HNRNPM: variants seen among roughly 807,000 people sequenced by gnomAD.
The protein encoded by HNRNPM is heterogeneous nuclear ribonucleoprotein M.
A neutral mutation model predicts 73.1 loss-of-function variants in HNRNPM; 11 were observed. The observed-to-expected ratio is 0.15, with a 90% confidence interval of 0.09 to 0.25. The LOEUF is 0.25. HNRNPM is among the 10% of genes least tolerant of loss of function. HNRNPM has a pLI of 1.00. For synonymous variants in HNRNPM, 407 were observed against 355.2 expected (o/e 1.15, Z -1.64); for missense variants, 789 against 1,067.9 (o/e 0.74, Z 3.64).
At chr19:8,479,772 A>AATTT (rs1491516635) in intron 12 of HNRNPM, among the ~76,000 whole-genome samples, 5 of 41,600 alleles carry the variant, frequency 1.2e-4, no homozygotes, top group African/African-American at 3.6e-4. Flanking sequence ...AAAAAAAAAA[A>AATTT]TTTTTTTTTT....
chr19:8,484,663 G>T (rs1971147993), intron 13 of HNRNPM, among the ~76,000 whole-genome samples: 1 of 152,204 alleles, frequency 6.6e-6, no homozygotes. Flanking sequence ...GAGCCAGTTA[G>T]AGAAACTGCC....
rs775487482 is a variant in HNRNPM at position 8,466,393 on chromosome 19, CCTT to C, written c.784+8_784+10del. 2.5e-6 allele frequency: 4 copies of C among 1,613,690 alleles called. No individual in the cohort carries two copies. The highest frequency in any genetic ancestry group is 2.2e-5 in the East Asian group (1 of 44,866). On this transcript the variant is annotated splice_donor_region_variant and intron_variant, in intron 7 of 15. Transcript: ENST00000325495. ...TTGAAGCTGTGCAAGCTATATGTAT[CCTT>C]CTGCAGGAATTCAACTTATGAACAG...
chr19:8,446,841 G>C (rs1968224098), intron 1 of HNRNPM, among the ~76,000 whole-genome samples: 1 of 152,114 alleles, frequency 6.6e-6, no homozygotes, highest in African/African-American at 2.4e-5. Context: ...TTAGAAATGA[G>C]AAAAACTTCC....
intron 1 of HNRNPM, among the ~76,000 whole-genome samples, chr19:8,450,214 G>C (rs1424176771): frequency 1.3e-5 from 2 of 152,122 alleles, no homozygotes; most frequent in Non-Finnish European, 2.9e-5. Context: ...ACGGGCAGAG[G>C]GGTCCTTGTC....
intron 12 of HNRNPM, among the ~76,000 whole-genome samples, chr19:8,479,586 G>A (rs919664428): frequency 2.0e-5 from 3 of 151,634 alleles, no homozygotes; most frequent in African/African-American, 7.3e-5. Flanking sequence ...GAGTGGCTAG[G>A]AACACAGGCA....
chr19:8,460,802 G>A (rs750858966), intron 2 of HNRNPM, among the ~76,000 whole-genome samples: 13 of 152,176 alleles, frequency 8.5e-5, no homozygotes, highest in Non-Finnish European at 1.8e-4. Flanking sequence ...GTCATAGCTG[G>A]TAGGAAATCA....
intron 12 of HNRNPM, among the ~76,000 whole-genome samples, chr19:8,481,792 C>A (rs1970934502): frequency 6.6e-6 from 1 of 152,118 alleles, no homozygotes; most frequent in Non-Finnish European, 1.5e-5. Flanking sequence ...CCAGCCTCGG[C>A]TCAGGCATGC....
At chr19:8,445,332 T>A in intron 1 of HNRNPM, 4 of 402,080 alleles carry the variant, frequency 9.9e-6, no homozygotes, top group Non-Finnish European at 1.7e-5. Context: ...CTCGCCACCC[T>A]CAGTCCCTCC....
intron 9 of HNRNPM, among the ~76,000 whole-genome samples, chr19:8,470,636 A>G (rs946554963): frequency 6.6e-6 from 1 of 151,934 alleles, no homozygotes. Flanking sequence ...CCTTGTTACG[A>G]TTTTTAAAAG....
rs114149104 is a variant in HNRNPM at position 8,450,276 on chromosome 19, T to C, written c.114-5129T>C. ...GGGTATTGGGATTGCCATTTCAAAC[T>C]GCACCCTTTCCTTGATTAGAAACTC... On this transcript the variant is annotated intron_variant, in intron 1 of 15. Coordinates refer to ENST00000325495, the MANE Select transcript of HNRNPM (RefSeq NM_005968.5). Among the ~76,000 whole-genome samples, 782 of 152,310 alleles carry C rather than the reference T, an allele frequency of 5.1e-3. 10 individuals carry two copies. The highest frequency in any genetic ancestry group is 0.018 in the African/African-American group (737 of 41,560).
At chr19:8,474,068 A>C in intron 11 of HNRNPM, 99 bp from the exon 12 acceptor site, 2 of 846,376 alleles carry the variant, frequency 2.4e-6, no homozygotes, top group South Asian at 4.0e-5. Flanking sequence ...AGTTCTTGGC[A>C]GAAGATACCC....
At chr19:8,445,166 C>A in intron 1 of HNRNPM, 55 bp downstream of exon 1, 1 of 1,316,596 alleles carries the variant, frequency 7.6e-7, no homozygotes, top group Non-Finnish European at 9.8e-7. Context: ...GCGGCCGACG[C>A]GGGCGGCGGC....
chr19:8,464,442 T>C (rs1969603305), intron 5 of HNRNPM, among the ~76,000 whole-genome samples: 1 of 152,136 alleles, frequency 6.6e-6, no homozygotes, highest in African/African-American at 2.4e-5. Flanking sequence ...AAGACCAGCT[T>C]GACCAACATG....
intron 15 of HNRNPM, chr19:8,488,441 C>A: frequency 4.8e-6 from 2 of 412,930 alleles, no homozygotes; most frequent in South Asian, 5.0e-5. Flanking sequence ...TACACTGCGC[C>A]TTCTTTTTTG....
At chr19:8,483,240 T>G (rs1971043537) in intron 13 of HNRNPM, 29 bp downstream of exon 13, 1 of 1,582,792 alleles carries the variant, frequency 6.3e-7, no homozygotes, top group Non-Finnish European at 8.7e-7. Context: ...GATGTTTTGT[T>G]TTTTTAGAAC....
intron 12 of HNRNPM, among the ~76,000 whole-genome samples, chr19:8,481,258 A>G (rs1970897514): frequency 6.6e-6 from 1 of 152,238 alleles, no homozygotes; most frequent in Non-Finnish European, 1.5e-5. Flanking sequence ...GGACATCGCC[A>G]GAGGTCTGTG....
chr19:8,461,553 G>A (rs1373384123), intron 2 of HNRNPM, among the ~76,000 whole-genome samples: 1 of 152,162 alleles, frequency 6.6e-6, no homozygotes, highest in Non-Finnish European at 1.5e-5. Flanking sequence ...TGGTTGTCTT[G>A]ATGGATTCTA....
chr19:8,474,749 CTG>C (rs1970387479), intron 12 of HNRNPM, among the ~76,000 whole-genome samples: 4 of 146,044 alleles, frequency 2.7e-5, no homozygotes, highest in Non-Finnish European at 6.0e-5. Context: ...GGGTCTCACT[CTG>C]TCACCTAGGC....
At chr19:8,463,929 C>T (rs963319531) in intron 5 of HNRNPM, 8 of 468,638 alleles carry the variant, frequency 1.7e-5, no homozygotes, top group Non-Finnish European at 2.7e-5. Context: ...TTGTCTGAGG[C>T]CTTGTTGTCT....
Sources: allele counts gnomAD v4.1 joint callset (sites outside exome capture counted in the v4.1 genomes callset), GRCh38; gene constraint gnomAD v4.1.1; transcripts MANE v1.5; gene names NCBI Gene and HGNC (gene_info 2026-07-23, HGNC 2026-07-21).